The following CLVS1 variants were observed in gnomAD, a reference collection of about 807,000 sequenced individuals.
The protein encoded by CLVS1 is clavesin 1.
In CLVS1, 10 loss-of-function variants were observed where a neutral mutation model predicts 33.1. That is an observed-to-expected ratio of 0.30 (90% CI 0.19 to 0.51). CLVS1 has a LOEUF of 0.51. CLVS1 is among the 20% of genes least tolerant of loss of function. The pLI is 0.97. For synonymous variants in CLVS1, 163 were observed against 166.1 expected (o/e 0.98, Z 0.14); for missense variants, 343 against 433.4 (o/e 0.79, Z 1.85).
intron 2 of CLVS1, among the ~76,000 whole-genome samples, chr8:61,167,072 T>G (rs1412087164): frequency 6.6e-6 from 1 of 151,748 alleles, no homozygotes; most frequent in Non-Finnish European, 1.5e-5. Context: ...ATGTAAAATT[T>G]TATTAGACTT....
chr8:61,143,152 T>C (rs1806341387), intron 2 of CLVS1, among the ~76,000 whole-genome samples: 1 of 152,140 alleles, frequency 6.6e-6, no homozygotes, highest in South Asian at 2.1e-4. Flanking sequence ...ACCTACCACA[T>C]CCACCAGACA....
chr8:61,304,025 T>C (rs1810526815), intron 2 of CLVS1, among the ~76,000 whole-genome samples: 3 of 152,184 alleles, frequency 2.0e-5, no homozygotes, highest in Admixed American at 2.0e-4. Context: ...ACCTGTTTGC[T>C]TTCTCCCCAT....
intron 3 of CLVS1, among the ~76,000 whole-genome samples, chr8:61,418,276 G>A (rs999750881): frequency 6.6e-6 from 1 of 152,136 alleles, no homozygotes; most frequent in Non-Finnish European, 1.5e-5. Flanking sequence ...TGAGGCAGGA[G>A]GATCGCTTGA....
chr8:61,366,823 T>C (rs1813230453), intron 2 of CLVS1, among the ~76,000 whole-genome samples: 1 of 152,208 alleles, frequency 6.6e-6, no homozygotes, highest in South Asian at 2.1e-4. Flanking sequence ...CACCTGCTCA[T>C]GGTGGTATTT....
At chr8:61,295,135 G>A (rs1212200317) in intron 1 of CLVS1, among the ~76,000 whole-genome samples, 1 of 152,190 alleles carries the variant, frequency 6.6e-6, no homozygotes, top group Non-Finnish European at 1.5e-5. Context: ...GCCGGAGAAT[G>A]TTTGTGAATT....
chr8:61,250,054 A>C (rs1222241040), intron 2 of CLVS1, among the ~76,000 whole-genome samples: 2 of 152,162 alleles, frequency 1.3e-5, no homozygotes, highest in East Asian at 3.8e-4. Context: ...TTTAAGTCTT[A>C]CATTTAAGTC....
chr8:61,131,843 T>A (rs1159696173), exon 2 of CLVS1: 1 of 152,210 alleles, frequency 6.6e-6, no homozygotes, highest in Admixed American at 6.5e-5. Context: ...ACCGGACTTT[T>A]TATCAGCCAG....
At chr8:61,202,867 G>A (rs1807765062) in intron 2 of CLVS1, 2 of 920,024 alleles carry the variant, frequency 2.2e-6, no homozygotes, top group South Asian at 1.3e-5. Flanking sequence ...AGATGATGAT[G>A]ATGAAGATGA....
chr8:61,384,525 G>T (rs1215756543), intron 3 of CLVS1, among the ~76,000 whole-genome samples: 1 of 152,180 alleles, frequency 6.6e-6, no homozygotes, highest in Non-Finnish European at 1.5e-5. Context: ...TGGAGGAGGA[G>T]TTAAGGATGA....
At chr8:61,166,063 T>C (rs976175297) in intron 2 of CLVS1, among the ~76,000 whole-genome samples, 4 of 149,812 alleles carry the variant, frequency 2.7e-5, no homozygotes, top group Middle Eastern at 3.2e-3. Context: ...TTTGGAATGC[T>C]ACAGGTTTGA....
chr8:61,393,526 G>T (rs1446360490), intron 3 of CLVS1, among the ~76,000 whole-genome samples: 2 of 152,122 alleles, frequency 1.3e-5, no homozygotes, highest in African/African-American at 4.8e-5. Flanking sequence ...TTCTCATTTG[G>T]GTAGACTGTT....
At chr8:61,347,717 G>A (rs1450688906) in intron 2 of CLVS1, among the ~76,000 whole-genome samples, 1 of 135,626 alleles carries the variant, frequency 7.4e-6, no homozygotes, top group Non-Finnish European at 1.5e-5. Flanking sequence ...GCCAAATTGA[G>A]CTAATTAACA....
rs140054871 is a variant in CLVS1, at chr8:61,473,714, C to A, written c.977+15172C>A. On this transcript the variant is annotated intron_variant, in intron 5 of 5. Transcript: ENST00000325897. ...AAAAATGTTTAGTGAATAGAATAAACAAGATCTGATGATCAAGTGGATATT... is the reference window on the plus strand; with the variant it reads ...AAAAATGTTTAGTGAATAGAATAAAAAAGATCTGATGATCAAGTGGATATT... Among the ~76,000 whole-genome samples the A allele has an allele frequency of 2.3e-3, 349 of 152,248 alleles. 3 individuals carry two copies. Among genetic ancestry groups the A allele is most frequent in the African/African-American group, 7.9e-3 (329 of 41,538 alleles).
chr8:60,968,070 C>T, the CLVS1 span, among the ~76,000 whole-genome samples: 24 of 152,336 alleles, frequency 1.6e-4, no homozygotes, highest in African/African-American at 5.3e-4. Context: ...CCCCAAGTCG[C>T]TGGGACCACA....
intron 3 of CLVS1, among the ~76,000 whole-genome samples, chr8:61,404,620 AG>A: frequency 6.6e-6 from 1 of 152,306 alleles, no homozygotes; most frequent in South Asian, 2.1e-4. Flanking sequence ...GCTGCTAAGG[AG>A]GAAACATTGG....
the CLVS1 span, among the ~76,000 whole-genome samples, chr8:61,051,723 G>T: frequency 2.0e-5 from 3 of 152,234 alleles, no homozygotes; most frequent in African/African-American, 7.2e-5. Flanking sequence ...TTTGACCTCA[G>T]TGAGTCTCAT....
At chr8:60,979,762 C>A in the CLVS1 span, among the ~76,000 whole-genome samples, 1 of 152,174 alleles carries the variant, frequency 6.6e-6, no homozygotes, top group African/African-American at 2.4e-5. Flanking sequence ...GGTGGGAAGG[C>A]AGGTCTGATT....
At chr8:61,397,368 A>G (rs1814568086) in intron 3 of CLVS1, among the ~76,000 whole-genome samples, 1 of 152,160 alleles carries the variant, frequency 6.6e-6, no homozygotes, top group South Asian at 2.1e-4. Flanking sequence ...TCATTTGTTC[A>G]AATCTTGTGC....
chr8:61,271,930 C>T (rs1461707173), intron 2 of CLVS1, among the ~76,000 whole-genome samples: 3 of 151,774 alleles, frequency 2.0e-5, no homozygotes, highest in Admixed American at 6.6e-5. Flanking sequence ...AGATGGGTTT[C>T]CTGAATACAG....
Sources: gnomAD v4.1 joint callset for allele counts (sites outside exome capture counted in the v4.1 genomes callset) on GRCh38, gnomAD v4.1.1 for gene constraint, MANE v1.5 for transcripts, NCBI Gene and HGNC (gene_info 2026-07-23, HGNC 2026-07-21) for gene names.